Variants in HDAC9 observed in about 807,000 individuals in gnomAD.
HDAC9 encodes the protein MEF-2 interacting transcription repressor (MITR) protein.
HDAC9 carries 41 observed loss-of-function variants against 139.4 expected under a neutral mutation model. The ratio of observed to expected loss-of-function variants is 0.29; its 90% CI spans 0.23 to 0.38. The LOEUF is 0.38. Among genes scored for constraint, HDAC9 ranks in the 10% least tolerant of loss-of-function variants. The pLI, the probability that HDAC9 is intolerant of heterozygous loss-of-function variation, is 1.00. For synonymous variants in HDAC9, 517 were observed against 476.2 expected, an observed-to-expected ratio of 1.09 and a Z score of -1.12; for missense variants, 1,147 against 1,297.0, an observed-to-expected ratio of 0.88 and a Z score of 1.78.
At chr7:18,704,621 A>G (rs1004793806) in intron 12 of HDAC9, among the ~76,000 whole-genome samples, 3 of 152,206 alleles carry the variant, frequency 2.0e-5, no homozygotes, top group Admixed American at 1.3e-4. Flanking sequence ...GGGGACAAAC[A>G]TAAGATTTGG....
intron 13 of HDAC9, among the ~76,000 whole-genome samples, chr7:18,744,012 G>GGTTTTTTTTTTT (rs1787701197): frequency 2.7e-5 from 3 of 110,448 alleles, no homozygotes; most frequent in Admixed American, 1.0e-4. Context: ...TTTACTACTA[G>GGTTTTTTTTTTT]TTTTTTTTTT....
At chr7:18,346,154 T>C (rs1227887957) in intron 1 of HDAC9, among the ~76,000 whole-genome samples, 1 of 152,168 alleles carries the variant, frequency 6.6e-6, no homozygotes, top group East Asian at 1.9e-4. Flanking sequence ...TGGCCCATAA[T>C]GAAGAAAGTT....
chr7:18,530,006 C>A (rs1808335501), intron 2 of HDAC9, among the ~76,000 whole-genome samples: 1 of 152,026 alleles, frequency 6.6e-6, no homozygotes, highest in Non-Finnish European at 1.5e-5. Flanking sequence ...CACGGTGGTT[C>A]ACTTCCGTAA....
chr7:18,267,810 C>G (rs1796096828), intron 2 of HDAC9, among the ~76,000 whole-genome samples: 2 of 151,982 alleles, frequency 1.3e-5, no homozygotes, highest in African/African-American at 4.8e-5. Flanking sequence ...TGATACATAC[C>G]CAGTAGTGGG....
chr7:18,585,391 C>G lies in HDAC9; in HGVS notation c.133C>G (p.Gln45Glu). Residue 45 changes from glutamine (Q) to glutamate (E), a missense_variant, in exon 3 of 26, where the codon CAA (glutamine) becomes GAA (glutamate). By Grantham distance (29) the Gln-to-Glu change is conservative (BLOSUM62 2). Coordinates refer to ENST00000686413, the MANE Select transcript of HDAC9 (RefSeq NM_178425.4). ...GGTGGACCCTGTTGTCCGTGAGAAG[C>G]AATTGCAGCAGGAATTACTTCTTAT... ...PVVDPVVREKQLQQELLLIQQ... is the reference protein window; with the variant it reads ...PVVDPVVREKELQQELLLIQQ... The G allele has an allele frequency of 6.2e-7, 1 of 1,613,908 alleles. No homozygotes were observed. Among genetic ancestry groups the G allele is most frequent in the South Asian group, 1.1e-5 (1 of 91,082 alleles).
chr7:18,341,209 A>G (rs1478654078), intron 1 of HDAC9, among the ~76,000 whole-genome samples: 1 of 147,132 alleles, frequency 6.8e-6, no homozygotes, highest in African/African-American at 2.5e-5. Flanking sequence ...AGTTTTATTC[A>G]TGTTTTGTGT....
intron 25 of HDAC9, among the ~76,000 whole-genome samples, chr7:18,990,616 G>C (rs934041566): frequency 4.6e-5 from 7 of 152,114 alleles, no homozygotes; most frequent in Admixed American, 2.0e-4. Flanking sequence ...CCTAAGCAAG[G>C]CTGGGCAATG....
At chr7:18,505,336 C>G (rs1013257344) in intron 2 of HDAC9, among the ~76,000 whole-genome samples, 1 of 151,944 alleles carries the variant, frequency 6.6e-6, no homozygotes, top group African/African-American at 2.4e-5. Flanking sequence ...TTATTTTGAC[C>G]AAAAGGTTTG....
intron 6 of HDAC9, among the ~76,000 whole-genome samples, chr7:18,602,008 A>G (rs1089357): frequency 0.1 from 15,743 of 152,074 alleles, 1,723 homozygotes; most frequent in African/African-American, 0.28. Context: ...TAGTCCTCCT[A>G]TTTTCTGGAA....
At chr7:18,776,990 G>A (rs1486945381) in intron 16 of HDAC9, among the ~76,000 whole-genome samples, 1 of 149,682 alleles carries the variant, frequency 6.7e-6, no homozygotes, top group East Asian at 2.1e-4. Flanking sequence ...ATTGAGGTGT[G>A]GCAATAGATG....
At chr7:18,892,488 T>C (rs1365426139) in intron 22 of HDAC9, 1 of 152,142 alleles carries the variant, frequency 6.6e-6, no homozygotes, top group East Asian at 1.9e-4. Flanking sequence ...GAATATACTT[T>C]CTGTCTACAT....
intron 12 of HDAC9, among the ~76,000 whole-genome samples, chr7:18,676,019 A>G (rs1430831252): frequency 2.0e-5 from 3 of 152,022 alleles, no homozygotes; most frequent in Non-Finnish European, 4.4e-5. Flanking sequence ...TGTATTAAGA[A>G]TATGTGTTGA....
intron 22 of HDAC9, among the ~76,000 whole-genome samples, chr7:18,932,564 A>G (rs931590084): frequency 1.7e-4 from 26 of 152,128 alleles, no homozygotes; most frequent in African/African-American, 5.8e-4. Flanking sequence ...AATCTACTGC[A>G]TATTGCAAAA....
At chr7:18,109,762 A>G (rs1783484460) in intron 1 of HDAC9, among the ~76,000 whole-genome samples, 1 of 152,210 alleles carries the variant, frequency 6.6e-6, no homozygotes, top group Non-Finnish European at 1.5e-5. Context: ...CAGTACTTAC[A>G]TATCCACTTT....
intron 25 of HDAC9, among the ~76,000 whole-genome samples, chr7:18,987,655 C>G (rs1046533017): frequency 5.3e-5 from 8 of 152,034 alleles, no homozygotes; most frequent in Admixed American, 6.6e-5. Flanking sequence ...CCAGTTCCTC[C>G]TTGTACCTCT....
At chr7:18,793,258 C>T (rs1401464943) in intron 16 of HDAC9, 87 bp from the exon 17 acceptor site, 5 of 874,358 alleles carry the variant, frequency 5.7e-6, no homozygotes, top group East Asian at 2.6e-5. Flanking sequence ...TCTTCCCCTG[C>T]GACCTCTTCC....
chr7:18,786,320 T>C (rs982465508), intron 16 of HDAC9, among the ~76,000 whole-genome samples: 1 of 152,158 alleles, frequency 6.6e-6, no homozygotes, highest in Non-Finnish European at 1.5e-5. Context: ...TGGCCCTAAC[T>C]CTTTATCCTC....
chr7:18,528,694 T>A (rs1807767793), intron 2 of HDAC9, among the ~76,000 whole-genome samples: 1 of 152,166 alleles, frequency 6.6e-6, no homozygotes, highest in African/African-American at 2.4e-5. Flanking sequence ...ACTAACAGTA[T>A]TAATAACAAT....
intron 23 of HDAC9, among the ~76,000 whole-genome samples, chr7:18,937,030 A>ATTTTTTTTTTTTTTTTTTTTTTTTT (rs768350029): frequency 1.0e-5 from 1 of 96,696 alleles, no homozygotes; most frequent in Non-Finnish European, 1.9e-5. Context: ...GCTCTTGTTA[A>ATTTTTTTTTTTTTTTTTTTTTTTTT]TTTTTTTTTT....
Sources: allele counts gnomAD v4.1 joint callset (sites outside exome capture counted in the v4.1 genomes callset), GRCh38; gene constraint gnomAD v4.1.1; transcripts MANE v1.5; gene names NCBI Gene and HGNC (gene_info 2026-07-23, HGNC 2026-07-21).